Variants in ST6GALNAC3 observed in about 807,000 individuals in gnomAD.
ST6GALNAC3 encodes the protein ST6 N-acetylgalactosaminide alpha-2,6-sialyltransferase 3.
A neutral mutation model predicts 32.7 loss-of-function variants in ST6GALNAC3; 25 were observed. The observed-to-expected ratio is 0.76, with a 90% CI of 0.56 to 1.07. ST6GALNAC3 has a LOEUF of 1.07. ST6GALNAC3 is among the 50% of genes least tolerant of loss of function. ST6GALNAC3 has a pLI of 0.00. For synonymous variants in ST6GALNAC3, 129 were observed against 133.1 expected (o/e 0.97, Z 0.21); for missense variants, 355 against 382.4 (o/e 0.93, Z 0.60).
At chr1:76,447,008 G>A (rs1029722614) in intron 3 of ST6GALNAC3, among the ~76,000 whole-genome samples, 1 of 152,156 alleles carries the variant, frequency 6.6e-6, no homozygotes, top group Non-Finnish European at 1.5e-5. Context: ...TTTGGAACTG[G>A]GTAACAGGAA....
intron 1 of ST6GALNAC3, among the ~76,000 whole-genome samples, chr1:76,296,904 G>A (rs138110859): frequency 2.0e-5 from 3 of 152,174 alleles, no homozygotes; most frequent in African/African-American, 4.8e-5. Flanking sequence ...CCCCATAAAT[G>A]TGTGTTGATT....
At chr1:76,130,918 C>T (rs1649567806) in intron 1 of ST6GALNAC3, among the ~76,000 whole-genome samples, 1 of 152,190 alleles carries the variant, frequency 6.6e-6, no homozygotes, top group Non-Finnish European at 1.5e-5. Flanking sequence ...TCCAAATATC[C>T]CACTCAGAGT....
At chr1:76,572,295 T>C (rs973741761) in intron 3 of ST6GALNAC3, among the ~76,000 whole-genome samples, 3 of 152,158 alleles carry the variant, frequency 2.0e-5, no homozygotes, top group African/African-American at 7.2e-5. Flanking sequence ...TATAGTTAAC[T>C]TAGGCAAATG....
intron 1 of ST6GALNAC3, among the ~76,000 whole-genome samples, chr1:76,269,418 A>G (rs917937907): frequency 6.6e-6 from 1 of 152,240 alleles, no homozygotes; most frequent in Non-Finnish European, 1.5e-5. Context: ...ACTTGTGGCC[A>G]TGCTGGAATG....
chr1:76,172,898 TGGTCATACTGCCCAA>T (rs1652614167), intron 1 of ST6GALNAC3, among the ~76,000 whole-genome samples: 1 of 152,162 alleles, frequency 6.6e-6, no homozygotes. Context: ...ATCATGAAAA[TGGTCATACTGCCCAA>T]AGTAATTTAC....
At chr1:76,180,312 A>G (rs771102925) in intron 1 of ST6GALNAC3, among the ~76,000 whole-genome samples, 1 of 152,208 alleles carries the variant, frequency 6.6e-6, no homozygotes, top group Non-Finnish European at 1.5e-5. Flanking sequence ...CTTCCGTTTC[A>G]TGGAGTTGTT....
chr1:76,619,173 G>A (rs1344548324), intron 3 of ST6GALNAC3, among the ~76,000 whole-genome samples: 1 of 152,110 alleles, frequency 6.6e-6, no homozygotes, highest in Non-Finnish European at 1.5e-5. Context: ...AGGATATACT[G>A]ATTTAGAGGT....
At chr1:76,489,393 A>C (rs555219911) in intron 3 of ST6GALNAC3, among the ~76,000 whole-genome samples, 1 of 151,834 alleles carries the variant, frequency 6.6e-6, no homozygotes, top group Non-Finnish European at 1.5e-5. Context: ...GTTGTTGACC[A>C]TTATCTTCCA....
intron 2 of ST6GALNAC3, among the ~76,000 whole-genome samples, chr1:76,400,547 A>T (rs987268524): frequency 6.6e-6 from 1 of 152,294 alleles, no homozygotes; most frequent in East Asian, 1.9e-4. Context: ...TTAGAATATA[A>T]GTGAGATTGG....
intron 1 of ST6GALNAC3, among the ~76,000 whole-genome samples, chr1:76,142,674 A>G (rs1448751249): frequency 1.3e-5 from 2 of 152,202 alleles, no homozygotes; most frequent in African/African-American, 2.4e-5. Context: ...CTAAATCACC[A>G]TATTAGAAAA....
intron 2 of ST6GALNAC3, among the ~76,000 whole-genome samples, chr1:76,363,908 C>T (rs539485691): frequency 4.6e-5 from 7 of 152,248 alleles, no homozygotes; most frequent in Admixed American, 4.6e-4. Context: ...AGGGGGATGG[C>T]ATTAAACTAT....
intron 1 of ST6GALNAC3, among the ~76,000 whole-genome samples, chr1:76,157,983 C>T (rs938941919): frequency 2.0e-5 from 3 of 152,226 alleles, no homozygotes; most frequent in African/African-American, 4.8e-5. Flanking sequence ...GTGATGCTAG[C>T]GTCAACCCAA....
intron 3 of ST6GALNAC3, among the ~76,000 whole-genome samples, chr1:76,416,395 T>C (rs1477986998): frequency 6.6e-6 from 1 of 152,106 alleles, no homozygotes; most frequent in East Asian, 1.9e-4. Flanking sequence ...ATTTTCATCA[T>C]CAAGTTTTTA....
intron 3 of ST6GALNAC3, among the ~76,000 whole-genome samples, chr1:76,502,784 G>A (rs1189991203): frequency 6.6e-6 from 1 of 152,134 alleles, no homozygotes; most frequent in African/African-American, 2.4e-5. Flanking sequence ...GGGTAGTAGA[G>A]ATTAGATAAC....
chr1:76,607,020 T>G (rs763329256), intron 3 of ST6GALNAC3, among the ~76,000 whole-genome samples: 23 of 152,196 alleles, frequency 1.5e-4, no homozygotes, highest in African/African-American at 2.2e-4. Context: ...GTTGCAGACC[T>G]GGGCCTCTCA....
Position 76,408,491 on chromosome 1 carries a change from G to T in ST6GALNAC3, c.214-3517G>T, listed in dbSNP as rs1405403629. On this transcript the variant is annotated intron_variant, in intron 2 of 4. Coordinates refer to ENST00000328299, the MANE Select transcript of ST6GALNAC3 (RefSeq NM_152996.4). Reference sequence around the variant, plus strand: ...TTTGTCACATAAACAAGAGGCTGTTGTTCCCAATGTTTGCCCTCAAGTTGT... The same window carrying T: ...TTTGTCACATAAACAAGAGGCTGTTTTTCCCAATGTTTGCCCTCAAGTTGT... Among the ~76,000 whole-genome samples the T allele has an allele frequency of 2.0e-5, 3 of 152,092 alleles. No individual in the cohort carries two copies. The East Asian group carries it at 5.8e-4, about 29-fold the overall frequency.
chr1:76,074,929 C>T, intron 1 of ST6GALNAC3, 45 bp downstream of exon 1: 1 of 1,574,876 alleles, frequency 6.3e-7, no homozygotes, highest in Non-Finnish European at 8.6e-7. Flanking sequence ...TGGCCAGCCC[C>T]TTGCTGCTCA....
chr1:76,205,156 T>C (rs1049335666), intron 1 of ST6GALNAC3, among the ~76,000 whole-genome samples: 2 of 152,196 alleles, frequency 1.3e-5, no homozygotes, highest in African/African-American at 4.8e-5. Context: ...GAATGAAGGA[T>C]TGGCCAGCTT....
At chr1:76,618,718 C>T (rs1390245954) in intron 3 of ST6GALNAC3, among the ~76,000 whole-genome samples, 2 of 152,082 alleles carry the variant, frequency 1.3e-5, no homozygotes, top group African/African-American at 4.8e-5. Context: ...AGGAACAACC[C>T]CTACCTTGGA....
Sources: gnomAD v4.1 joint callset for allele counts (sites outside exome capture counted in the v4.1 genomes callset) on GRCh38, gnomAD v4.1.1 for gene constraint, MANE v1.5 for transcripts, NCBI Gene and HGNC (gene_info 2026-07-23, HGNC 2026-07-21) for gene names.